SLC37A1: variants seen among roughly 807,000 people sequenced by gnomAD.
SLC37A1 encodes the protein glucose-6-phosphate exchanger SLC37A1.
Under a neutral mutation model 75.3 loss-of-function variants are expected in SLC37A1, and 49 were observed. That is an observed-to-expected ratio of 0.65 (90% confidence interval 0.52 to 0.83). SLC37A1 has a LOEUF of 0.83. SLC37A1 is among the 40% of genes least tolerant of loss of function. The pLI is 0.00. For synonymous variants in SLC37A1, 268 were observed against 292.1 expected (o/e 0.92, Z 0.84); for missense variants, 566 against 695.0 (o/e 0.81, Z 2.09).
intron 2 of SLC37A1, among the ~76,000 whole-genome samples, chr21:42,525,102 C>T (rs558010406): frequency 6.6e-6 from 1 of 152,328 alleles, no homozygotes; most frequent in South Asian, 2.1e-4. Flanking sequence ...GGGAGGTTCC[C>T]GGAGGGTGGA....
At chr21:42,532,331 G>A (rs534339418) in intron 3 of SLC37A1, among the ~76,000 whole-genome samples, 16 of 152,288 alleles carry the variant, frequency 1.1e-4, no homozygotes, top group African/African-American at 3.6e-4. Context: ...TTTAAGCGGC[G>A]GCCTGCAGAA....
At chr21:42,563,619 G>A (rs529682814) in intron 12 of SLC37A1, among the ~76,000 whole-genome samples, 196 bp from the exon 13 acceptor site, 57 of 152,316 alleles carry the variant, frequency 3.7e-4, no homozygotes, top group Non-Finnish European at 5.3e-4. Flanking sequence ...GGAAAGCCAC[G>A]GTTTTTGGTT....
intron 12 of SLC37A1, among the ~76,000 whole-genome samples, 184 bp from the exon 13 acceptor site, chr21:42,563,631 A>G (rs1394817647): frequency 6.6e-6 from 1 of 152,226 alleles, no homozygotes; most frequent in Non-Finnish European, 1.5e-5. Flanking sequence ...TTTTTGGTTA[A>G]GAGTGTTTTC....
intron 7 of SLC37A1, 39 bp from the exon 8 acceptor site, chr21:42,543,397 T>C: frequency 6.2e-7 from 1 of 1,613,936 alleles, no homozygotes; most frequent in Non-Finnish European, 8.5e-7. Context: ...TTTCAGCTTC[T>C]CAGCTCCATC....
intron 2 of SLC37A1, among the ~76,000 whole-genome samples, chr21:42,525,411 A>G (rs1267329658): frequency 6.6e-6 from 1 of 152,242 alleles, no homozygotes; most frequent in Non-Finnish European, 1.5e-5. Flanking sequence ...GACTCCTGGA[A>G]GACAGTGTGA....
At chr21:42,511,969 A>C (rs1321687688), upstream of SLC37A1, among the ~76,000 whole-genome samples, 1 of 151,894 alleles carries the variant, frequency 6.6e-6, no homozygotes, top group Non-Finnish European at 1.5e-5. Context: ...CTTAGGAAAG[A>C]TGAGTAAGTT....
At chr21:42,563,558 G>C (rs1195244368) in intron 12 of SLC37A1, among the ~76,000 whole-genome samples, 2 of 152,204 alleles carry the variant, frequency 1.3e-5, no homozygotes, top group Non-Finnish European at 2.9e-5. Context: ...ATGGCGGAGG[G>C]GCCCCTGGGG....
intron 2 of SLC37A1, among the ~76,000 whole-genome samples, chr21:42,524,343 C>T (rs910915564): frequency 6.6e-6 from 1 of 152,182 alleles, no homozygotes; most frequent in African/African-American, 2.4e-5. Context: ...TGGAGTTGCC[C>T]TTTGTCTTCT....
rs147949583 is a variant in SLC37A1 at position 42,515,366 on chromosome 21, T to TA, written c.-179+658dup. Among the ~76,000 whole-genome samples the TA allele has an allele frequency of 5.3e-4, 81 of 151,512 alleles. 4 individuals carry two copies. The highest frequency in any genetic ancestry group is 9.4e-4 in the African/African-American group (39 of 41,308). ...CTTTGCCTGTAAAGTGAGACCCAGT[T>TA]AAAAAAAAATGTCATAAAGTAGATT... is the stretch of plus-strand genomic sequence containing the variant. On this transcript the variant is annotated intron_variant, in intron 1 of 19. Transcript: ENST00000352133.
Position 42,563,837 on chromosome 21 carries a change from G to A in SLC37A1, c.1095G>A (p.Ala365=), listed in dbSNP as rs138180562. The A allele has an allele frequency of 1.7e-5, 28 of 1,614,048 alleles. No homozygotes were observed. The highest frequency in any genetic ancestry group is 6.7e-5 in the East Asian group (3 of 44,904). The part of the protein sequence containing the change: ...TNVDHLDAKK[A]GELSTLFDVG... ...TAGATCACCTTGATGCCAAAAAGGC[G>A]GGGGAGCTCTCCACCCTGTTTGACG... The change falls in exon 13 of 20, where the codon GCG becomes GCA. Residue 365 remains alanine, a synonymous_variant. Coordinates refer to ENST00000352133, the MANE Select transcript of SLC37A1 (RefSeq NM_001320537.2).
chr21:42,576,887 A>C (rs536643904), intron 18 of SLC37A1, among the ~76,000 whole-genome samples: 2 of 152,336 alleles, frequency 1.3e-5, no homozygotes, highest in South Asian at 4.1e-4. Flanking sequence ...TATTAGAGAG[A>C]AATTAAATAT....
chr21:42,543,749 CT>C, intron 8 of SLC37A1, 147 bp downstream of exon 8: 1 of 752,228 alleles, frequency 1.3e-6, no homozygotes, highest in Non-Finnish European at 2.1e-6. Context: ...ACCAGGGAGA[CT>C]TCCCCGGGGA....
At chr21:42,512,916 T>TC (rs1448300231), upstream of SLC37A1, among the ~76,000 whole-genome samples, 1 of 152,220 alleles carries the variant, frequency 6.6e-6, no homozygotes, top group Non-Finnish European at 1.5e-5. Flanking sequence ...GAATGCCTTC[T>TC]CCATTCTCCA....
At chr21:42,504,868 G>T (rs979471525) in intron 2 of SLC37A1, among the ~76,000 whole-genome samples, 1 of 152,094 alleles carries the variant, frequency 6.6e-6, no homozygotes, top group East Asian at 1.9e-4. Context: ...ACTTGCTACC[G>T]GTTTACTAAG....
chr21:42,555,160 A>AT (rs554149787), intron 10 of SLC37A1, among the ~76,000 whole-genome samples: 193 of 151,504 alleles, frequency 1.3e-3, no homozygotes, highest in African/African-American at 4.5e-3. Flanking sequence ...TGAATTTTGT[A>AT]TTTTTTTAGT....
rs147953981 is a variant in SLC37A1, at chr21:42,556,340, G to A, written c.849+2198G>A. 5.5e-3 allele frequency among the ~76,000 whole-genome samples: 840 copies of A among 152,336 alleles called. 8 individuals carry two copies. Among genetic ancestry groups the A allele is most frequent in the Middle Eastern group, 0.014 (4 of 294 alleles). On this transcript the variant is annotated intron_variant, in intron 10 of 19. Transcript: ENST00000352133. Reference sequence around the variant, plus strand: ...GGCCCACCAAACGCGGCGTGAGCACGGAGTGGGTATTTGGAGGTTGAATGT... The same window carrying A: ...GGCCCACCAAACGCGGCGTGAGCACAGAGTGGGTATTTGGAGGTTGAATGT...
chr21:42,573,391 C>T (rs1257354175), intron 17 of SLC37A1, among the ~76,000 whole-genome samples: 1 of 152,178 alleles, frequency 6.6e-6, no homozygotes, highest in Non-Finnish European at 1.5e-5. Flanking sequence ...CTCCAGGTGT[C>T]CCTGTGCTGT....
At chr21:42,561,833 A>G (rs1469074521) in intron 11 of SLC37A1, 11 of 462,834 alleles carry the variant, frequency 2.4e-5, no homozygotes, top group Non-Finnish European at 3.9e-5. Flanking sequence ...CTGGGGCCCC[A>G]CCCTTCTCAG....
chr21:42,576,661 G>GA (rs1179839405), intron 18 of SLC37A1, among the ~76,000 whole-genome samples: 3 of 151,878 alleles, frequency 2.0e-5, no homozygotes, highest in Non-Finnish European at 2.9e-5. Flanking sequence ...CTGACCTCAT[G>GA]AAAAAAAGAA....
Sources: allele counts gnomAD v4.1 joint callset (sites outside exome capture counted in the v4.1 genomes callset), GRCh38; gene constraint gnomAD v4.1.1; transcripts MANE v1.5; gene names NCBI Gene and HGNC (gene_info 2026-07-23, HGNC 2026-07-21).